The following FRMD4A variants were observed in gnomAD, a reference collection of about 807,000 sequenced individuals.
The protein encoded by FRMD4A is FERM domain-containing protein 4A.
A neutral mutation model predicts 129.1 loss-of-function variants in FRMD4A; 29 were observed. The ratio of observed to expected loss-of-function variants is 0.22; its 90% CI spans 0.17 to 0.31. The LOEUF is 0.31. Ranked by LOEUF, FRMD4A falls within the 10% of genes least tolerant of loss-of-function variation. FRMD4A has a pLI of 1.00. For missense variants in FRMD4A, 1,272 were observed against 1,375.8 expected (o/e 0.92, Z 1.19); for synonymous variants, 634 against 571.6 (o/e 1.11, Z -1.56).
chr10:14,291,068 T>A (rs1385682186), intron 2 of FRMD4A, among the ~76,000 whole-genome samples: 2 of 151,998 alleles, frequency 1.3e-5, no homozygotes, highest in Non-Finnish European at 2.9e-5. Context: ...TTCCTGAGAG[T>A]GATACTATGA....
chr10:13,912,642 C>T (rs2094954923), intron 2 of FRMD4A, among the ~76,000 whole-genome samples: 1 of 151,660 alleles, frequency 6.6e-6, no homozygotes, highest in African/African-American at 2.4e-5. Context: ...CGTTTTCCTG[C>T]CTCAGCCTCC....
chr10:13,654,634 G>A (rs910932284), intron 22 of FRMD4A, 122 bp from the exon 23 acceptor site: 26 of 652,740 alleles, frequency 4.0e-5, no homozygotes, highest in African/African-American at 2.7e-4. Context: ...CAGGGATGCT[G>A]GGAAGGACCC....
intron 3 of FRMD4A, among the ~76,000 whole-genome samples, chr10:13,812,481 G>A (rs969236860): frequency 3.3e-5 from 5 of 152,372 alleles, no homozygotes; most frequent in African/African-American, 7.2e-5. Context: ...TAATACAACA[G>A]ACATTTATTT....
At chr10:14,084,504 T>C (rs1836137825) in intron 2 of FRMD4A, among the ~76,000 whole-genome samples, 1 of 152,212 alleles carries the variant, frequency 6.6e-6, no homozygotes, top group South Asian at 2.1e-4. Context: ...TTTTCTATGT[T>C]ATGTGATGCT....
At chr10:13,980,402 A>G (rs1330778016) in intron 2 of FRMD4A, among the ~76,000 whole-genome samples, 1 of 152,220 alleles carries the variant, frequency 6.6e-6, no homozygotes, top group Non-Finnish European at 1.5e-5. Context: ...TTTGCTAAAG[A>G]AATCTCGATC....
intron 2 of FRMD4A, among the ~76,000 whole-genome samples, chr10:14,099,292 T>C (rs1171105729): frequency 6.6e-6 from 1 of 152,100 alleles, no homozygotes; most frequent in Non-Finnish European, 1.5e-5. Flanking sequence ...AAACGCTCAA[T>C]ATAGTCTCAA....
chr10:13,880,524 G>A (rs911840876), intron 2 of FRMD4A, among the ~76,000 whole-genome samples: 1 of 152,164 alleles, frequency 6.6e-6, no homozygotes, highest in African/African-American at 2.4e-5. Flanking sequence ...CGTGGGACCA[G>A]GGGCTCCCCA....
intron 2 of FRMD4A, among the ~76,000 whole-genome samples, chr10:14,203,363 G>A (rs1589162411): frequency 1.3e-5 from 2 of 151,996 alleles, no homozygotes; most frequent in African/African-American, 2.4e-5. Context: ...AATTTACATC[G>A]CTGTTTTGCA....
chr10:13,864,792 G>T (rs973598424), intron 2 of FRMD4A, among the ~76,000 whole-genome samples: 1 of 151,928 alleles, frequency 6.6e-6, no homozygotes, highest in Admixed American at 6.6e-5. Flanking sequence ...GGCCAGGCTG[G>T]TCTCGAACTC....
At chr10:13,788,351 C>A (rs2092917179) in intron 5 of FRMD4A, among the ~76,000 whole-genome samples, 1 of 152,232 alleles carries the variant, frequency 6.6e-6, no homozygotes, top group Non-Finnish European at 1.5e-5. Context: ...ACTAGCCAAT[C>A]CCAAGCCTGC....
chr10:13,707,183 G>A, intron 12 of FRMD4A, 70 bp from the exon 13 acceptor site: 1 of 972,860 alleles, frequency 1.0e-6, no homozygotes, highest in Non-Finnish European at 1.7e-6. Context: ...CCTCTCTGCT[G>A]GTTAACTTTC....
intron 2 of FRMD4A, among the ~76,000 whole-genome samples, chr10:14,318,697 G>A (rs1034125110): frequency 1.3e-5 from 2 of 151,030 alleles, no homozygotes; most frequent in Admixed American, 1.3e-4. Context: ...TCTGAGTAAA[G>A]TCCCATAGAC....
intron 2 of FRMD4A, among the ~76,000 whole-genome samples, chr10:14,078,537 C>G (rs1258252642): frequency 6.6e-6 from 1 of 152,224 alleles, no homozygotes; most frequent in Non-Finnish European, 1.5e-5. Flanking sequence ...CTGTCTCTCT[C>G]AACAGTAAGT....
intron 12 of FRMD4A, among the ~76,000 whole-genome samples, chr10:13,717,727 G>GGGA (rs2088980087): frequency 6.7e-6 from 1 of 148,820 alleles, no homozygotes; most frequent in African/African-American, 2.5e-5. Flanking sequence ...GTGGCGGGGG[G>GGGA]GGTTGGCAGT....
At chr10:13,673,096 G>C (rs1038871912) in intron 16 of FRMD4A, among the ~76,000 whole-genome samples, 1 of 151,970 alleles carries the variant, frequency 6.6e-6, no homozygotes, top group African/African-American at 2.4e-5. Flanking sequence ...CCGGGTTTAG[G>C]GACTTTTTAT....
chr10:13,969,487 T>TA (rs1237710079), intron 2 of FRMD4A, among the ~76,000 whole-genome samples: 5 of 152,218 alleles, frequency 3.3e-5, no homozygotes, highest in Non-Finnish European at 7.3e-5. Flanking sequence ...ACAGTATACT[T>TA]ACGACATTAA....
At chr10:14,317,006 T>A (rs1846766506) in intron 2 of FRMD4A, among the ~76,000 whole-genome samples, 1 of 152,234 alleles carries the variant, frequency 6.6e-6, no homozygotes, top group South Asian at 2.1e-4. Flanking sequence ...TGGCATTAGT[T>A]CAAGTCCACT....
Position 13,651,903 on chromosome 10 carries a change from C to T in FRMD4A, c.*2G>A. The T allele has an allele frequency of 6.6e-7, 1 of 1,514,356 alleles. No individual in the cohort carries two copies. The highest frequency in any genetic ancestry group is 1.1e-5 in the South Asian group (1 of 89,096). The allele number at this position is 1,514,356 out of a possible 1,614,324, so 93.8% of individuals were successfully genotyped here. A position where few individuals can be genotyped will look rare whatever the true frequency, so the allele number is the denominator to read the frequency against. The stretch of plus-strand genomic sequence containing the variant: ...AGGAACAAAACTCCCCTTACGGTAC[C>T]TCTATTCATCAGTACTTTGGTGAGG... On this transcript the variant is annotated splice_region_variant and 3_prime_UTR_variant, in exon 24 of 25. Coordinates refer to ENST00000357447, the MANE Select transcript of FRMD4A (RefSeq NM_018027.5).
chr10:13,997,395 G>C (rs1346952173), intron 2 of FRMD4A, among the ~76,000 whole-genome samples: 2 of 152,052 alleles, frequency 1.3e-5, no homozygotes, highest in Non-Finnish European at 2.9e-5. Context: ...TGTTCTAAGA[G>C]TTTCTCTCTT....
Sources: gnomAD v4.1 joint callset for allele counts (sites outside exome capture counted in the v4.1 genomes callset) on GRCh38, gnomAD v4.1.1 for gene constraint, MANE v1.5 for transcripts, NCBI Gene and HGNC (gene_info 2026-07-23, HGNC 2026-07-21) for gene names.